Variants in ZC3H12A observed in about 807,000 individuals in gnomAD.
The protein encoded by ZC3H12A is zinc finger CCCH-type containing 12A.
Under a neutral mutation model 29.9 loss-of-function variants are expected in ZC3H12A, and 9 were observed. The ratio of observed to expected loss-of-function variants is 0.30; its 90% CI spans 0.18 to 0.53. The LOEUF (loss-of-function observed/expected upper bound fraction) is 0.53, where lower values mean the gene tolerates loss of function less well. Ranked by LOEUF, ZC3H12A falls within the 20% of genes least tolerant of loss-of-function variation. The pLI, the probability that ZC3H12A is intolerant of heterozygous loss-of-function variation, is 0.96. For missense variants in ZC3H12A, 617 were observed against 799.0 expected, an observed-to-expected ratio of 0.77 and a Z score of 2.75; for synonymous variants, 323 against 338.1, an observed-to-expected ratio of 0.96 and a Z score of 0.49.
In ZC3H12A at chr1:37,475,977, G is replaced by A. The variant is rs907270745; in HGVS notation, c.443+38G>A. On this transcript the variant is annotated intron_variant, in intron 2 of 5. Coordinates refer to ENST00000373087, the MANE Select transcript of ZC3H12A (RefSeq NM_025079.3). This position sits in a 1 kb window ranked among gnomAD's most constrained non-coding sequence, Gnocchi z 5.2. The stretch of plus-strand genomic sequence containing the variant: ...TCTGTGGCCAGGACACATGAGGTTC[G>A]CATCTCTCCTGTGGCCAGGACACAT... The A allele has an allele frequency of 1.1e-5, 16 of 1,474,936 alleles. No homozygotes were observed. In the South Asian group the frequency reaches 1.4e-4, roughly 13 times the overall value. 91.4% of individuals were successfully genotyped at this position (1,474,936 alleles called of 1,614,324 possible). A position where few individuals can be genotyped will look rare whatever the true frequency, so the allele number is the denominator to read the frequency against.
At position 37,476,486 on chromosome 1, in the gene ZC3H12A, G is replaced by A. The variant is rs923940496; in HGVS notation, c.443+547G>A. On this transcript the variant is annotated intron_variant, in intron 2 of 5. Coordinates refer to ENST00000373087, the MANE Select transcript of ZC3H12A (RefSeq NM_025079.3). This position sits in a 1 kb window ranked among gnomAD's most constrained non-coding sequence, Gnocchi z 6.0. ...TGACTGTGTCCAAGAGTGACCTCAAGGCTGGGTCCAGCTTTACATGGGTTG... is the reference window on the plus strand; with the variant it reads ...TGACTGTGTCCAAGAGTGACCTCAAAGCTGGGTCCAGCTTTACATGGGTTG... 2.6e-5 allele frequency among the ~76,000 whole-genome samples: 4 copies of A among 152,204 alleles called. No homozygotes were observed. Among genetic ancestry groups the A allele is most frequent in the Non-Finnish European group, 5.9e-5 (4 of 68,032 alleles).
Position 37,479,934 on chromosome 1 carries a change from C to G in ZC3H12A, c.444-356C>G, listed in dbSNP as rs986283836. On this transcript the variant is annotated intron_variant, in intron 2 of 5. Coordinates refer to ENST00000373087, the MANE Select transcript of ZC3H12A (RefSeq NM_025079.3). The surrounding 1 kb of genome is among the most constrained non-coding windows in gnomAD (Gnocchi z 4.5). ...CTTTCCCCCACCCCCAGGTGTGTTG[C>G]AAGTGGCCTGGCCCTCCCCCACCGT... 2 of 1,037,984 alleles carry G rather than the reference C, an allele frequency of 1.9e-6. No homozygotes were observed. Among genetic ancestry groups the G allele is most frequent in the Non-Finnish European group, 2.3e-6 (2 of 861,918 alleles). The allele number at this position is 1,037,984 out of a possible 1,614,324, so 64.3% of individuals were successfully genotyped here.
In ZC3H12A at chr1:37,483,254, C is replaced by A. The variant is rs151076639; in HGVS notation, c.1443C>A (p.Thr481=). ...YSPYGSELPA[T]AAFSAFGRAM... is the part of the protein sequence containing the mutation. ...CCTATGGATCTGAGCTCCCAGCCAC[C>A]GCAGCCTTCTCTGCCTTTGGCCGGG... Residue 481 remains threonine, a synonymous_variant, in exon 6 of 6, where the codon ACC becomes ACA. Transcript: ENST00000373087. 1.9e-6 allele frequency: 3 copies of A among 1,613,816 alleles called. No homozygotes were observed. Among genetic ancestry groups the A allele is most frequent in the Admixed American group, 3.3e-5 (2 of 60,008 alleles).
chr1:37,482,790 A>G lies in ZC3H12A; in HGVS notation c.979A>G (p.Ser327Gly), dbSNP rs539940698. The G allele has an allele frequency of 2.5e-5, 40 of 1,614,106 alleles. No homozygotes were observed. The highest frequency in any genetic ancestry group is 3.4e-5 in the Non-Finnish European group (40 of 1,180,022). ...CCGATTCTTCCACCCAGAGCGGCCA[A>G]GCTGCCCCCAGCGCTCTGTGGCAGA... Reference protein sequence around the residue: ...KCRFFHPERPSCPQRSVADEL... With the variant: ...KCRFFHPERPGCPQRSVADEL... The change falls in exon 6 of 6, where the codon AGC (serine) becomes GGC (glycine). Residue 327 changes from serine to glycine, a missense_variant. By Grantham distance (56) the Ser-to-Gly change is moderately conservative. Transcript: ENST00000373087.
In ZC3H12A at chr1:37,478,877, G is replaced by A. The variant is rs528233744; in HGVS notation, c.444-1413G>A. The A allele has an allele frequency of 5.1e-6, 5 of 985,354 alleles. No individual in the cohort carries two copies. In the South Asian group the frequency reaches 1.9e-4, roughly 37 times the overall value. The allele number at this position is 985,354 out of a possible 1,614,324, so 61.0% of individuals were successfully genotyped here. On this transcript the variant is annotated intron_variant, in intron 2 of 5. Transcript: ENST00000373087. This position sits in a 1 kb window ranked among gnomAD's most constrained non-coding sequence, Gnocchi z 5.2. The stretch of plus-strand genomic sequence containing the variant: ...TAAGCAGGCTGGCAGATGTGGCAGA[G>A]GGACCGGGAAGGATGAGTGCTGCCC...
Position 37,481,548 on chromosome 1 carries a change from C to T in ZC3H12A, c.584-53C>T. On this transcript the variant is annotated intron_variant, in intron 3 of 5. Coordinates refer to ENST00000373087, the MANE Select transcript of ZC3H12A (RefSeq NM_025079.3). ...TCAGCAGGTTAGGGAGCCCTGTAGG[C>T]CTGGCTCTAGGTCCCGCTGGGCCCT... 3.1e-6 allele frequency: 5 copies of T among 1,587,942 alleles called. No individual in the cohort carries two copies. In the South Asian group the frequency reaches 5.5e-5, roughly 18 times the overall value.
At position 37,481,687 on chromosome 1, in the gene ZC3H12A, T is replaced by C; in HGVS notation, c.670T>C (p.Tyr224His). ...RRVGGKRVVC[Y>H]DDRFIVKLAY... ...CGTGGGTGGCAAGCGGGTGGTGTGC[T>C]ATGACGACAGATTCATTGTGAAGCT... The change falls in exon 4 of 6, where the codon TAT becomes CAT. Residue 224 changes from tyrosine (Y) to histidine (H), a missense_variant. Around this residue, in one of 5 missense-constraint regions of ZC3H12A, gnomAD observed 255 missense variants for 402.5 expected, o/e 0.63. Coordinates refer to ENST00000373087, the MANE Select transcript of ZC3H12A (RefSeq NM_025079.3). 6.2e-7 allele frequency: 1 copy of C among 1,614,236 alleles called. No individual in the cohort carries two copies. The highest frequency in any genetic ancestry group is 8.5e-7 in the Non-Finnish European group (1 of 1,180,044).
In ZC3H12A at chr1:37,475,736, G is replaced by T. The variant is rs372459728; in HGVS notation, c.240G>T (p.Thr80=). Residue 80 remains threonine (T), a synonymous_variant, in exon 2 of 6, where the codon ACG becomes ACT. Transcript: ENST00000373087. The surrounding 1 kb of genome is among the most constrained non-coding windows in gnomAD (Gnocchi z 5.2). ...TGGGCGTCCAGGCAGACACCAACAC[G>T]GTGCTGGGTGAGCTGGTGAAACACG... ...QKLGVQADTN[T]VLGELVKHGT... 1.2e-5 allele frequency: 19 copies of T among 1,613,840 alleles called. No individual in the cohort carries two copies. Among genetic ancestry groups the T allele is most frequent in the Non-Finnish European group, 1.5e-5 (18 of 1,180,028 alleles).
At chr1:37,480,050 A>G (rs1641671469) in intron 2 of ZC3H12A, 1 of 1,253,210 alleles carries the variant, frequency 8.0e-7, no homozygotes, top group Non-Finnish European at 1.0e-6. Context: ...GCCATCCTGG[A>G]GCTGTGGGAA....
rs746044726 is a variant in ZC3H12A, at chr1:37,483,125, G to T, written c.1314G>T (p.Ser438=). The change falls in exon 6 of 6, where the codon TCG becomes TCT. Residue 438 remains serine, a synonymous_variant. Coordinates refer to ENST00000373087, the MANE Select transcript of ZC3H12A (RefSeq NM_025079.3). ...LPYVSQDCLD[S]GIGSLESQMS... ...ACGTCTCCCAGGATTGCCTGGACTC[G>T]GGCATTGGCTCCCTGGAGAGCCAGA... The T allele has an allele frequency of 1.2e-6, 2 of 1,613,418 alleles. No individual in the cohort carries two copies. Among genetic ancestry groups the T allele is most frequent in the African/African-American group, 1.3e-5 (1 of 74,938 alleles).
chr1:37,482,609 C>T (rs1641732564), intron 5 of ZC3H12A, 69 bp downstream of exon 5: 2 of 1,607,574 alleles, frequency 1.2e-6, no homozygotes, highest in Non-Finnish European at 8.5e-7. Context: ...TCTGCCTGTG[C>T]CCTGTTTTCC....
In ZC3H12A at chr1:37,479,727, G is replaced by A. The variant is rs1641661120; in HGVS notation, c.444-563G>A. ...GCCCCAGTCCCTGAGGTGTGTGTGA[G>A]GACTGAACTTTAATCCGGAACAATC... On this transcript the variant is annotated intron_variant, in intron 2 of 5. Transcript: ENST00000373087. The surrounding 1 kb of genome is among the most constrained non-coding windows in gnomAD (Gnocchi z 4.5). The A allele has an allele frequency of 1.0e-6, 1 of 985,308 alleles. No individual in the cohort carries two copies. Among genetic ancestry groups the A allele is most frequent in the African/African-American group, 1.7e-5 (1 of 57,238 alleles). 61.0% of individuals were successfully genotyped at this position (985,308 alleles called of 1,614,324 possible). A position where few individuals can be genotyped will look rare whatever the true frequency, so the allele number is the denominator to read the frequency against.
chr1:37,479,316 T>C lies in ZC3H12A; in HGVS notation c.444-974T>C, dbSNP rs1420667729. 8 of 985,288 alleles carry C rather than the reference T, an allele frequency of 8.1e-6. No homozygotes were observed. In the East Asian group the frequency reaches 4.5e-4, roughly 56 times the overall value. 61.0% of individuals were successfully genotyped at this position (985,288 alleles called of 1,614,324 possible). ...TTTGGCCTGAAGCCACCAGGAAAGC[T>C]GTCCCACTGACTGACCCCTCTTAAG... is the stretch of plus-strand genomic sequence containing the variant. On this transcript the variant is annotated intron_variant, in intron 2 of 5. Coordinates refer to ENST00000373087, the MANE Select transcript of ZC3H12A (RefSeq NM_025079.3). This position sits in a 1 kb window ranked among gnomAD's most constrained non-coding sequence, Gnocchi z 4.5.
At position 37,483,036 on chromosome 1, in the gene ZC3H12A, G is replaced by T. The variant is rs201031728; in HGVS notation, c.1225G>T (p.Gly409Trp). ...APSGRSLAPS[G>W]GSGSSFGPTD... ...ATCAGGCAGGAGCCTCGCACCTAGCGGGGGCAGTGGCAGCAGCTTTGGGCC... is the reference window on the plus strand; with the variant it reads ...ATCAGGCAGGAGCCTCGCACCTAGCTGGGGCAGTGGCAGCAGCTTTGGGCC... Residue 409 changes from glycine (G) to tryptophan (W), a missense_variant, in exon 6 of 6, where the codon GGG becomes TGG. Gly to Trp is a radical substitution (Grantham distance 184). Coordinates refer to ENST00000373087, the MANE Select transcript of ZC3H12A (RefSeq NM_025079.3). The T allele has an allele frequency of 1.9e-6, 3 of 1,606,990 alleles. No individual in the cohort carries two copies. The highest frequency in any genetic ancestry group is 2.5e-6 in the Non-Finnish European group (3 of 1,177,020).
At chr1:37,480,168 GC>G in intron 2 of ZC3H12A, 121 bp from the exon 3 acceptor site, 1 of 1,476,392 alleles carries the variant, frequency 6.8e-7, no homozygotes, top group African/African-American at 1.4e-5. Context: ...GGAAGGGACT[GC>G]TCACTACCAC....
In ZC3H12A at chr1:37,477,467, C is replaced by A. The variant is rs552674145; in HGVS notation, c.443+1528C>A. On this transcript the variant is annotated intron_variant, in intron 2 of 5. Coordinates refer to ENST00000373087, the MANE Select transcript of ZC3H12A (RefSeq NM_025079.3). The stretch of plus-strand genomic sequence containing the variant: ...CAAACTTCCTGTCTCAGCTGCTACT[C>A]GGTTCCTGCCCGGCCACCCCCCCTC... 2.0e-5 allele frequency among the ~76,000 whole-genome samples: 3 copies of A among 152,280 alleles called. No individual in the cohort carries two copies. The South Asian group carries it at 6.2e-4, about 32-fold the overall frequency.
rs920327123 is a variant in ZC3H12A, at chr1:37,483,489, C to T, written c.1678C>T (p.Leu560=). The change falls in exon 6 of 6, where the codon CTG becomes TTG. Residue 560 remains leucine (L), a synonymous_variant. Transcript: ENST00000373087. Reference sequence around the variant, plus strand: ...GGAGCAGGCCAGCGTGTATACTAAGCTGTGTGGTGTGTTTCCCCCGCACCT... The same window carrying T: ...GGAGCAGGCCAGCGTGTATACTAAGTTGTGTGGTGTGTTTCCCCCGCACCT... The part of the protein sequence containing the change: ...AKEQASVYTK[L]CGVFPPHLVE... 3.1e-6 allele frequency: 5 copies of T among 1,613,896 alleles called. No individual in the cohort carries two copies. The African/African-American group carries it at 6.7e-5, about 22-fold the overall frequency.
In ZC3H12A at chr1:37,475,981, C is replaced by A. The variant is rs182394517; in HGVS notation, c.443+42C>A. 504 of 1,465,752 alleles carry A rather than the reference C, an allele frequency of 3.4e-4. 1 individual carries two copies. The African/African-American group carries it at 5.6e-3, about 16-fold the overall frequency. The allele number at this position is 1,465,752 out of a possible 1,614,324, so 90.8% of individuals were successfully genotyped here. ...TGGCCAGGACACATGAGGTTCGCAT[C>A]TCTCCTGTGGCCAGGACACATGGAA... On this transcript the variant is annotated intron_variant, in intron 2 of 5. Transcript: ENST00000373087. This position sits in a 1 kb window ranked among gnomAD's most constrained non-coding sequence, Gnocchi z 5.2.
Position 37,482,493 on chromosome 1 carries a change from G to GT in ZC3H12A, c.879dup (p.Lys294Ter). ...GGGCCCAGCCTGGACAACTTCCTGC[G>GT]TAAGAAGCCACTCACTTTGGAGCAC... On this transcript the variant is annotated frameshift_variant, in exon 5 of 6. Coordinates refer to ENST00000373087, the MANE Select transcript of ZC3H12A (RefSeq NM_025079.3). LOFTEE classifies it low-confidence loss of function (END_TRUNC). The GT allele has an allele frequency of 6.2e-7, 1 of 1,614,102 alleles. No homozygotes were observed. Among genetic ancestry groups the GT allele is most frequent in the Non-Finnish European group, 8.5e-7 (1 of 1,180,008 alleles).
Sources: gnomAD v4.1 joint callset for allele counts (sites outside exome capture counted in the v4.1 genomes callset) on GRCh38, gnomAD v4.1.1 for gene constraint, gnomAD v4.1.1 regional missense constraint, Gnocchi (gnomAD v3.1) non-coding constraint, MANE v1.5 for transcripts, NCBI Gene and HGNC (gene_info 2026-07-23, HGNC 2026-07-21) for gene names.